Variants in BRD7 observed in about 807,000 individuals in gnomAD.
BRD7 encodes the protein bromodomain-containing protein 7.
In BRD7, 15 loss-of-function variants were observed where a neutral mutation model predicts 82.1. The observed-to-expected ratio is 0.18, with a 90% CI of 0.12 to 0.28. The LOEUF (loss-of-function observed/expected upper bound fraction) is 0.28. Ranked by LOEUF, BRD7 falls within the 10% of genes least tolerant of loss-of-function variation. The pLI, the probability that BRD7 is intolerant of heterozygous loss-of-function variation, is 1.00. For missense variants in BRD7, 638 were observed against 779.9 expected, an observed-to-expected ratio of 0.82 and a Z score of 2.17; for synonymous variants, 232 against 266.9, an observed-to-expected ratio of 0.87 and a Z score of 1.27.
At position 50,334,846 on chromosome 16, in the gene BRD7, T is replaced by G. The variant is rs2037729656; in HGVS notation, c.752A>C (p.Gln251Pro). 4 of 1,614,210 alleles carry G rather than the reference T, an allele frequency of 2.5e-6. No homozygotes were observed. The highest frequency in any genetic ancestry group is 3.4e-6 in the Non-Finnish European group (4 of 1,180,032). Residue 251 changes from glutamine to proline, a missense_variant, in exon 7 of 17, where the codon CAG becomes CCG. Around this residue, in one of 3 missense-constraint regions of BRD7, gnomAD observed 402 missense variants for 500.8 expected, o/e 0.80. Coordinates refer to ENST00000394688, the MANE Select transcript of BRD7 (RefSeq NM_013263.5). ...TCCATCTTTCTGCTTTCGAGTTTTC[T>G]GCAAGTCAGCCATGAAGTCTATGCT... is the stretch of plus-strand genomic sequence containing the variant. ...KQSIDFMADL[Q>P]KTRKQKDGTD...
chr16:50,349,671 T>G, intron 5 of BRD7: 1 of 454,384 alleles, frequency 2.2e-6, no homozygotes, highest in Non-Finnish European at 4.5e-6. Context: ...ATATCTCATA[T>G]GTCTAGAAAT....
chr16:50,367,249 G>C (rs935564174), intron 2 of BRD7, among the ~76,000 whole-genome samples: 1 of 152,198 alleles, frequency 6.6e-6, no homozygotes, highest in African/African-American at 2.4e-5. Context: ...TAGAGACAGA[G>C]TCTCGTATTA....
chr16:50,323,764 C>A (rs2037218821), intron 11 of BRD7, 66 bp from the exon 12 acceptor site: 6 of 1,163,132 alleles, frequency 5.2e-6, no homozygotes, highest in Non-Finnish European at 6.4e-6. Flanking sequence ...CCCATCAGAG[C>A]CAACTGTTTC....
rs1373622307 is a variant in BRD7, at chr16:50,363,678, CGT to C, written c.258+4410_258+4411del. Among the ~76,000 whole-genome samples the C allele has an allele frequency of 5.3e-3, 344 of 64,548 alleles. 1 individual carries two copies. The highest frequency in any genetic ancestry group is 0.018 in the South Asian group (37 of 2,020). 42.3% of individuals were successfully genotyped at this position (64,548 alleles called of 152,430 possible). A position where few individuals can be genotyped will look rare whatever the true frequency, so the allele number is the denominator to read the frequency against. On this transcript the variant is annotated intron_variant, in intron 2 of 16. Coordinates refer to ENST00000394688, the MANE Select transcript of BRD7 (RefSeq NM_013263.5). ...GTGTGTGTGCGCGCGCGCGCGTGCG[CGT>C]GTGCTTCCCCCAACTTTATCTTATT...
At chr16:50,368,599 C>T (rs1427157630) in intron 1 of BRD7, 127 bp downstream of exon 1, 2 of 1,015,986 alleles carry the variant, frequency 2.0e-6, no homozygotes, top group Admixed American at 4.2e-5. Context: ...CAGGACGCGC[C>T]CCCTTCGCCG....
chr16:50,320,290 T>C lies in BRD7; in HGVS notation c.1714A>G (p.Met572Val), dbSNP rs1056991255. ...TATGAGGGACCCAAGAGACAGATCA[T>C]GTTCGGAGGGGGTCTGGTGCTCAAA... Reference protein sequence around the residue: ...ERLSTRPPPNMICLLGPSYRE... With the variant: ...ERLSTRPPPNVICLLGPSYRE... The change falls in exon 15 of 17, where the codon ATG (methionine) becomes GTG (valine). Residue 572 changes from methionine to valine, a missense_variant. By Grantham distance (21) the Met-to-Val change is conservative. Coordinates refer to ENST00000394688, the MANE Select transcript of BRD7 (RefSeq NM_013263.5). 6 of 1,614,054 alleles carry C rather than the reference T, an allele frequency of 3.7e-6. No homozygotes were observed. The highest frequency in any genetic ancestry group is 3.3e-5 in the South Asian group (3 of 91,086).
At chr16:50,320,807 C>T (rs546188056) in intron 13 of BRD7, 33 bp from the exon 14 acceptor site, 60 of 1,472,684 alleles carry the variant, frequency 4.1e-5, no homozygotes, top group South Asian at 3.0e-4. Flanking sequence ...CAATTACTGG[C>T]GCTTGCTAAG....
chr16:50,353,759 ATTT>A (rs5816691), intron 4 of BRD7, among the ~76,000 whole-genome samples: 26 of 132,792 alleles, frequency 2.0e-4, no homozygotes, highest in Admixed American at 3.0e-4. Context: ...ATGCCTGGCA[ATTT>A]TTTTTTTTTT....
chr16:50,328,357 G>C (rs1203765226), intron 9 of BRD7, among the ~76,000 whole-genome samples: 1 of 152,202 alleles, frequency 6.6e-6, no homozygotes, highest in African/African-American at 2.4e-5. Flanking sequence ...TCTAAACTGA[G>C]TGTCTATACT....
intron 4 of BRD7, among the ~76,000 whole-genome samples, chr16:50,350,658 G>A (rs945073019): frequency 6.6e-6 from 1 of 152,046 alleles, no homozygotes; most frequent in African/African-American, 2.4e-5. Flanking sequence ...GTGTATGTGG[G>A]GGATGCTAAA....
chr16:50,339,743 A>G (rs1301385473), intron 6 of BRD7, among the ~76,000 whole-genome samples: 1 of 152,226 alleles, frequency 6.6e-6, no homozygotes, highest in Non-Finnish European at 1.5e-5. Context: ...CTTAAGAGAT[A>G]ATTACAAGTG....
intron 2 of BRD7, among the ~76,000 whole-genome samples, chr16:50,359,909 T>C (rs1420532711): frequency 6.6e-6 from 1 of 152,162 alleles, no homozygotes; most frequent in African/African-American, 2.4e-5. Context: ...GGGAAACATC[T>C]TGTATGCATG....
At chr16:50,368,398 AG>A in intron 1 of BRD7, 100 bp from the exon 2 acceptor site, 1 of 1,324,280 alleles carries the variant, frequency 7.6e-7, no homozygotes, top group Non-Finnish European at 1.0e-6. Context: ...AGCAAGCCCG[AG>A]GCGGCTTTGG....
rs541806694 is a variant in BRD7, at chr16:50,333,410, TA to T, written c.1011+163del. On this transcript the variant is annotated intron_variant, in intron 8 of 16. Transcript: ENST00000394688. ...ATTTAACACCCTGATAAACCCATTG[TA>T]GGGAATTGTCTGTCCATTATTAATT... is the stretch of plus-strand genomic sequence containing the variant. 5.3e-5 allele frequency among the ~76,000 whole-genome samples: 8 copies of T among 152,344 alleles called. No individual in the cohort carries two copies. In the East Asian group the frequency reaches 1.5e-3, roughly 29 times the overall value.
chr16:50,343,268 G>C (rs375398626), intron 5 of BRD7, among the ~76,000 whole-genome samples: 1 of 152,224 alleles, frequency 6.6e-6, no homozygotes, highest in South Asian at 2.1e-4. Context: ...CATGGAGGCA[G>C]ATATCCCCCT....
chr16:50,366,341 T>C (rs2039142515), intron 2 of BRD7, among the ~76,000 whole-genome samples: 1 of 152,140 alleles, frequency 6.6e-6, no homozygotes, highest in Admixed American at 6.5e-5. Flanking sequence ...CAGCAACTAA[T>C]TCAGCCTCCA....
intron 12 of BRD7, among the ~76,000 whole-genome samples, chr16:50,322,509 C>T (rs62029963): frequency 0.067 from 10,169 of 152,194 alleles, 411 homozygotes; most frequent in Middle Eastern, 0.16. Context: ...GAACAAGAGA[C>T]AAATATATCA....
chr16:50,319,826 A>G (rs976436424), intron 16 of BRD7, 61 bp downstream of exon 16: 13 of 1,561,576 alleles, frequency 8.3e-6, no homozygotes, highest in African/African-American at 1.4e-5. Context: ...TCGGGCAGAC[A>G]CTGAGGGATG....
intron 9 of BRD7, among the ~76,000 whole-genome samples, chr16:50,327,328 C>T (rs993395673): frequency 1.3e-5 from 2 of 152,180 alleles, no homozygotes; most frequent in African/African-American, 4.8e-5. Context: ...AGACCACACT[C>T]GGCTTCACAG....
Sources: allele counts gnomAD v4.1 joint callset (sites outside exome capture counted in the v4.1 genomes callset), GRCh38; gene constraint gnomAD v4.1.1; regional missense constraint gnomAD v4.1.1; transcripts MANE v1.5; gene names NCBI Gene and HGNC (gene_info 2026-07-23, HGNC 2026-07-21).